Variants in SAMD12 observed in about 807,000 individuals in gnomAD.
SAMD12 encodes the protein sterile alpha motif domain containing 12.
Under a neutral mutation model 15.0 loss-of-function variants are expected in SAMD12, and 9 were observed. That is an observed-to-expected ratio of 0.60 (90% confidence interval 0.36 to 1.05). The LOEUF (loss-of-function observed/expected upper bound fraction) is 1.05, where lower values mean the gene tolerates loss of function less well. Ranked by LOEUF, SAMD12 falls within the 50% of genes least tolerant of loss-of-function variation. SAMD12 has a pLI of 0.01. For missense variants in SAMD12, 230 were observed against 234.2 expected, an observed-to-expected ratio of 0.98 and a Z score of 0.12; for synonymous variants, 86 against 90.1, an observed-to-expected ratio of 0.96 and a Z score of 0.25.
At chr8:118,546,219 G>A (rs2131163507) in intron 2 of SAMD12, among the ~76,000 whole-genome samples, 1 of 152,292 alleles carries the variant, frequency 6.6e-6, no homozygotes, top group African/African-American at 2.4e-5. Context: ...AAGGCTCCTG[G>A]ACCAATTAAC....
intron 2 of SAMD12, among the ~76,000 whole-genome samples, chr8:118,495,199 T>C (rs543382029): frequency 6.8e-4 from 104 of 152,246 alleles, no homozygotes; most frequent in African/African-American, 2.4e-3. Context: ...AGAGAAGCAA[T>C]TGTGTCAACT....
At chr8:118,158,783 G>A in the SAMD12 span, among the ~76,000 whole-genome samples, 3 of 152,084 alleles carry the variant, frequency 2.0e-5, no homozygotes, top group East Asian at 5.8e-4. Flanking sequence ...GCCAGACTAG[G>A]GCAAATGATG....
At chr8:118,402,158 A>G (rs1333158600) in intron 3 of SAMD12, among the ~76,000 whole-genome samples, 2 of 152,194 alleles carry the variant, frequency 1.3e-5, no homozygotes, top group Non-Finnish European at 2.9e-5. Context: ...ACACCACAAA[A>G]GGAAATAATT....
chr8:118,406,596 A>G (rs1454833877), intron 3 of SAMD12, among the ~76,000 whole-genome samples: 3 of 152,064 alleles, frequency 2.0e-5, no homozygotes, highest in African/African-American at 2.4e-5. Context: ...AAAGTGGACA[A>G]CTCAGTAGTG....
chr8:118,530,581 CTATAAGCTCTG>C (rs1239115715), intron 2 of SAMD12, among the ~76,000 whole-genome samples: 2 of 152,180 alleles, frequency 1.3e-5, no homozygotes, highest in East Asian at 3.9e-4. Context: ...TTTGAGTTCC[CTATAAGCTCTG>C]TATATTAGTT....
intron 2 of SAMD12, among the ~76,000 whole-genome samples, chr8:118,448,652 A>T (rs1822987441): frequency 1.3e-5 from 2 of 152,218 alleles, no homozygotes; most frequent in Admixed American, 1.3e-4. Context: ...TGAGCCAAAA[A>T]TGCAGAGCCA....
intron 2 of SAMD12, among the ~76,000 whole-genome samples, chr8:118,478,399 G>A (rs754949103): frequency 6.6e-6 from 1 of 152,232 alleles, no homozygotes; most frequent in Non-Finnish European, 1.5e-5. Context: ...AACCAGGGAA[G>A]AGCCAACAGG....
intron 2 of SAMD12, among the ~76,000 whole-genome samples, chr8:118,474,212 C>T (rs1267307273): frequency 2.0e-5 from 3 of 151,952 alleles, no homozygotes; most frequent in Non-Finnish European, 2.9e-5. Flanking sequence ...CCTCCCACCT[C>T]GGCCTCCCAA....
chr8:118,200,161 C>T (rs576325691), intron 4 of SAMD12, among the ~76,000 whole-genome samples: 44 of 152,238 alleles, frequency 2.9e-4, no homozygotes, highest in African/African-American at 9.1e-4. Flanking sequence ...TCCCCAGCCA[C>T]GTGGAACTGT....
chr8:118,420,561 C>A (rs1586699408), intron 3 of SAMD12, among the ~76,000 whole-genome samples: 1 of 152,132 alleles, frequency 6.6e-6, no homozygotes, highest in South Asian at 2.1e-4. Flanking sequence ...AGAACTATGC[C>A]ACCCCTTTAA....
chr8:118,537,115 C>T (rs1038755882), intron 2 of SAMD12, among the ~76,000 whole-genome samples: 2 of 152,178 alleles, frequency 1.3e-5, no homozygotes, highest in Admixed American at 1.3e-4. Flanking sequence ...CTTTCCTGGC[C>T]TGTAAGCTTT....
intron 1 of SAMD12, among the ~76,000 whole-genome samples, chr8:118,600,362 AATG>A: frequency 6.6e-6 from 1 of 152,064 alleles, no homozygotes; most frequent in Non-Finnish European, 1.5e-5. Flanking sequence ...GGACAAAGGT[AATG>A]AGGATGAAAG....
chr8:118,216,976 C>T (rs562813552), intron 4 of SAMD12, among the ~76,000 whole-genome samples: 16 of 152,292 alleles, frequency 1.1e-4, no homozygotes, highest in Middle Eastern at 3.4e-3. Context: ...CCGCATTCAT[C>T]GTTTAGGCCC....
At chr8:118,287,490 G>T in intron 4 of SAMD12, among the ~76,000 whole-genome samples, 1 of 152,282 alleles carries the variant, frequency 6.6e-6, no homozygotes, top group East Asian at 1.9e-4. Context: ...GAGCTAGGGC[G>T]AGTAAAGGAA....
At chr8:118,494,469 A>G (rs1586762076) in intron 2 of SAMD12, among the ~76,000 whole-genome samples, 1 of 152,214 alleles carries the variant, frequency 6.6e-6, no homozygotes, top group Non-Finnish European at 1.5e-5. Context: ...ATGAAATTAC[A>G]TTACATGCTG....
chr8:118,318,475 C>T (rs1441754587), intron 4 of SAMD12, among the ~76,000 whole-genome samples: 9 of 151,362 alleles, frequency 5.9e-5, no homozygotes, highest in Non-Finnish European at 1.3e-4. Context: ...AATGGAAAAC[C>T]AAATACCCAT....
intron 4 of SAMD12, among the ~76,000 whole-genome samples, chr8:118,252,919 G>A (rs1812852985): frequency 6.6e-6 from 1 of 152,168 alleles, no homozygotes; most frequent in Admixed American, 6.5e-5. Flanking sequence ...CAGGCCTGTG[G>A]GCATTCCTGC....
chr8:118,486,153 A>G (rs2515038), intron 2 of SAMD12, among the ~76,000 whole-genome samples: 21,381 of 152,104 alleles, frequency 0.14, 1,957 homozygotes, highest in East Asian at 0.28. Context: ...GGTGGCTCAC[A>G]CCTGTAATCC....
At chr8:118,207,211 G>A (rs994473809) in intron 4 of SAMD12, among the ~76,000 whole-genome samples, 1 of 152,256 alleles carries the variant, frequency 6.6e-6, no homozygotes, top group African/African-American at 2.4e-5. Context: ...GCCTCACCCA[G>A]CTTTACAGCT....
Sources: allele counts gnomAD v4.1 joint callset (sites outside exome capture counted in the v4.1 genomes callset), GRCh38; gene constraint gnomAD v4.1.1; transcripts MANE v1.5; gene names NCBI Gene and HGNC (gene_info 2026-07-23, HGNC 2026-07-21).